The following PCYT1A variants were observed in gnomAD, a reference collection of about 807,000 sequenced individuals.
The protein encoded by PCYT1A is phosphate cytidylyltransferase 1A, choline, also known as choline-phosphate cytidylyltransferase A.
PCYT1A carries 25 observed loss-of-function variants against 43.7 expected under a neutral mutation model. The ratio of observed to expected loss-of-function variants is 0.57; its 90% CI spans 0.42 to 0.80. The LOEUF is 0.80. Ranked by LOEUF, PCYT1A falls within the 30% of genes least tolerant of loss-of-function variation. PCYT1A has a pLI of 0.00. For missense variants in PCYT1A, 421 were observed against 474.2 expected (o/e 0.89, Z 1.04); for synonymous variants, 172 against 170.7 (o/e 1.01, Z -0.06).
At position 196,247,954 on chromosome 3, in the gene PCYT1A, A is replaced by C. The variant is rs1172048215; in HGVS notation, c.334+253T>G. 1.7e-5 allele frequency: 9 copies of C among 536,892 alleles called. No homozygotes were observed. The East Asian group carries it at 2.6e-4, about 16-fold the overall frequency. The allele number at this position is 536,892 out of a possible 1,614,324, so 33.3% of individuals were successfully genotyped here. A position where few individuals can be genotyped will look rare whatever the true frequency, so the allele number is the denominator to read the frequency against. On this transcript the variant is annotated intron_variant, in intron 4 of 8. Coordinates refer to ENST00000431016, the MANE Select transcript of PCYT1A (RefSeq NM_001312673.2). The surrounding 1 kb of genome is among the most constrained non-coding windows in gnomAD (Gnocchi z 4.8). ...TGTTTTAAAGTGGACAACGGAAGTC[A>C]CGGCTGCTCCTGTGACCACAGAAAC...
chr3:196,249,879 C>G (rs1223635823), intron 3 of PCYT1A, among the ~76,000 whole-genome samples: 1 of 151,194 alleles, frequency 6.6e-6, no homozygotes, highest in East Asian at 2.0e-4. Context: ...ATACACTATG[C>G]TGAGGCTGAG....
At chr3:196,259,858 T>A (rs1222601194) in intron 2 of PCYT1A, among the ~76,000 whole-genome samples, 2 of 127,228 alleles carry the variant, frequency 1.6e-5, no homozygotes, top group Non-Finnish European at 3.3e-5. Flanking sequence ...AAAAAAAAAA[T>A]CACTTATATA....
At chr3:196,250,146 A>G (rs1316626316) in intron 3 of PCYT1A, among the ~76,000 whole-genome samples, 1 of 146,214 alleles carries the variant, frequency 6.8e-6, no homozygotes, top group East Asian at 2.0e-4. Context: ...CACCATGCCG[A>G]GGCTGAGGAC....
chr3:196,285,367 G>A (rs889399376), intron 1 of PCYT1A, among the ~76,000 whole-genome samples: 8 of 152,166 alleles, frequency 5.3e-5, no homozygotes, highest in African/African-American at 1.4e-4. Context: ...GCTGAGGTAG[G>A]AGAATCGCTT....
rs532624855 is a variant in PCYT1A, at chr3:196,279,286, CA to C, written c.-11+8328del. The stretch of plus-strand genomic sequence containing the variant: ...CTGGGTGACAAGAGTGAAACTCTAT[CA>C]AAAAAAAAAAAAAAAAGGGCTGACA... On this transcript the variant is annotated intron_variant, in intron 1 of 8. Transcript: ENST00000431016. Among the ~76,000 whole-genome samples, 736 of 108,538 alleles carry C rather than the reference CA, an allele frequency of 6.8e-3. 7 individuals are homozygous for C. The highest frequency in any genetic ancestry group is 0.02 in the African/African-American group (557 of 28,430). 71.2% of individuals were successfully genotyped at this position (108,538 alleles called of 152,430 possible). A position where few individuals can be genotyped will look rare whatever the true frequency, so the allele number is the denominator to read the frequency against.
rs1022066119 is a variant in PCYT1A at position 196,236,409 on chromosome 3, C to T, written c.*2279G>A. On this transcript the variant is annotated 3_prime_UTR_variant, in exon 9 of 9. Transcript: ENST00000431016. ...GACGCAGAAAAGTTCAAAGATGAGA[C>T]TATGTAACACTGGGTAACACAGGAA... is the stretch of plus-strand genomic sequence containing the variant. 6.6e-6 allele frequency: 1 copy of T among 152,248 alleles called. No homozygotes were observed. Among genetic ancestry groups the T allele is most frequent in the African/African-American group, 2.4e-5 (1 of 41,460 alleles). 9.4% of individuals were successfully genotyped at this position (152,248 alleles called of 1,614,324 possible). A position where few individuals can be genotyped will look rare whatever the true frequency, so the allele number is the denominator to read the frequency against.
intron 1 of PCYT1A, among the ~76,000 whole-genome samples, chr3:196,280,567 A>ATTTT (rs1725735210): frequency 9.8e-5 from 4 of 40,846 alleles, no homozygotes; most frequent in Admixed American, 2.7e-4. Flanking sequence ...TGGTATTTTT[A>ATTTT]TTGTTTTTTT....
At position 196,287,636 on chromosome 3, in the gene PCYT1A, G is replaced by A. The variant is rs1305328900; in HGVS notation, c.-32C>T. On this transcript the variant is annotated 5_prime_UTR_variant, in exon 1 of 9. Coordinates refer to ENST00000431016, the MANE Select transcript of PCYT1A (RefSeq NM_001312673.2). ...ACACCTGCAACTCACGCTCCCCCGAGCCCGGTCCGGTCGGATTTCTGGCCG... is the reference window on the plus strand; with the variant it reads ...ACACCTGCAACTCACGCTCCCCCGAACCCGGTCCGGTCGGATTTCTGGCCG... 1.3e-5 allele frequency: 2 copies of A among 152,248 alleles called. No individual in the cohort carries two copies. The highest frequency in any genetic ancestry group is 2.4e-5 in the African/African-American group (1 of 41,430). The allele number at this position is 152,248 out of a possible 1,614,324, so 9.4% of individuals were successfully genotyped here. A position where few individuals can be genotyped will look rare whatever the true frequency, so the allele number is the denominator to read the frequency against.
chr3:196,268,735 C>T lies in PCYT1A; in HGVS notation c.117+1680G>A, dbSNP rs1037409438. Among the ~76,000 whole-genome samples, 4 of 152,186 alleles carry T rather than the reference C, an allele frequency of 2.6e-5. No homozygotes were observed. Among genetic ancestry groups the T allele is most frequent in the African/African-American group, 9.7e-5 (4 of 41,434 alleles). On this transcript the variant is annotated intron_variant, in intron 2 of 8. Transcript: ENST00000431016. The surrounding 1 kb of genome is among the most constrained non-coding windows in gnomAD (Gnocchi z 4.4). Reference sequence around the variant, plus strand: ...ACTTGAACCCAAGAGGCAGACGTTGCAGTGAACCGGGACCGCACCACTGCA... The same window carrying T: ...ACTTGAACCCAAGAGGCAGACGTTGTAGTGAACCGGGACCGCACCACTGCA...
intron 2 of PCYT1A, among the ~76,000 whole-genome samples, chr3:196,264,579 C>T (rs1471943762): frequency 6.6e-6 from 1 of 152,182 alleles, no homozygotes; most frequent in Non-Finnish European, 1.5e-5. Flanking sequence ...ACTGCCCCTA[C>T]CTCTTGGTCA....
chr3:196,285,253 G>A (rs193167061), intron 1 of PCYT1A, among the ~76,000 whole-genome samples: 8 of 152,290 alleles, frequency 5.3e-5, no homozygotes, highest in Non-Finnish European at 1.0e-4. Flanking sequence ...AAGCTCGGAA[G>A]TTTGAGACCA....
chr3:196,244,305 C>T (rs1302391089), intron 5 of PCYT1A, among the ~76,000 whole-genome samples: 2 of 148,496 alleles, frequency 1.3e-5, no homozygotes, highest in Non-Finnish European at 3.0e-5. Flanking sequence ...CCCGGCTGCC[C>T]AGTCTGGGAA....
At chr3:196,262,181 A>C (rs140366219) in intron 2 of PCYT1A, among the ~76,000 whole-genome samples, 367 of 152,322 alleles carry the variant, frequency 2.4e-3, no homozygotes, top group African/African-American at 8.4e-3. Flanking sequence ...TCTTAAGACT[A>C]TCTGGTAGTG....
intron 2 of PCYT1A, 40 bp downstream of exon 2, chr3:196,270,375 C>T (rs757406808): frequency 1.7e-5 from 20 of 1,173,712 alleles, no homozygotes; most frequent in Non-Finnish European, 2.4e-5. Flanking sequence ...AATGTCATAT[C>T]GGTTTCTACC....
chr3:196,266,893 G>A lies in PCYT1A; in HGVS notation c.117+3522C>T, dbSNP rs573880193. On this transcript the variant is annotated intron_variant, in intron 2 of 8. Coordinates refer to ENST00000431016, the MANE Select transcript of PCYT1A (RefSeq NM_001312673.2). ...CTCTGTCTCAAAAAAAAAAATTGCC[G>A]GGCACGGTGGCTCACGCCTATAATC... Among the ~76,000 whole-genome samples, 15 of 151,818 alleles carry A rather than the reference G, an allele frequency of 9.9e-5. No individual in the cohort carries two copies. In the East Asian group the frequency reaches 2.1e-3, roughly 22 times the overall value.
rs1724172253 is a variant in PCYT1A at position 196,236,620 on chromosome 3, G to A, written c.*2068C>T. 5 of 151,642 alleles carry A rather than the reference G, an allele frequency of 3.3e-5. No individual in the cohort carries two copies. In the South Asian group the frequency reaches 1.0e-3, roughly 32 times the overall value. The allele number at this position is 151,642 out of a possible 1,614,324, so 9.4% of individuals were successfully genotyped here. A position where few individuals can be genotyped will look rare whatever the true frequency, so the allele number is the denominator to read the frequency against. ...GCTCTTTCTGGGTGATCCAAGTTTTGTTTTTTTTCTAGTTGATTATTTCTC... is the reference window on the plus strand; with the variant it reads ...GCTCTTTCTGGGTGATCCAAGTTTTATTTTTTTTCTAGTTGATTATTTCTC... On this transcript the variant is annotated 3_prime_UTR_variant, in exon 9 of 9. Transcript: ENST00000431016.
rs1054669080 is a variant in PCYT1A, at chr3:196,282,784, A to G, written c.-11+4831T>C. ...TCAAAAAATAAAGAAACATAATCAC[A>G]TTTAGGGTAATTTTCTGTATATAAA... On this transcript the variant is annotated intron_variant, in intron 1 of 8. Transcript: ENST00000431016. The surrounding 1 kb of genome is among the most constrained non-coding windows in gnomAD (Gnocchi z 4.3). Among the ~76,000 whole-genome samples the G allele has an allele frequency of 6.6e-6, 1 of 152,166 alleles. No individual in the cohort carries two copies. Among genetic ancestry groups the G allele is most frequent in the African/African-American group, 2.4e-5 (1 of 41,454 alleles).
At position 196,252,061 on chromosome 3, in the gene PCYT1A, A is replaced by G. The variant is rs1053467585; in HGVS notation, c.218-3738T>C. Among the ~76,000 whole-genome samples, 1 of 147,164 alleles carries G rather than the reference A, an allele frequency of 6.8e-6. No individual in the cohort carries two copies. The highest frequency in any genetic ancestry group is 2.2e-4 in the South Asian group (1 of 4,496). On this transcript the variant is annotated intron_variant, in intron 3 of 8. Coordinates refer to ENST00000431016, the MANE Select transcript of PCYT1A (RefSeq NM_001312673.2). This position sits in a 1 kb window ranked among gnomAD's most constrained non-coding sequence, Gnocchi z 4.0. ...AGAAGCTGGGACTACAGCGCACACC[A>G]CCACGCCCCGCTGACTACAGCGCAC... is the stretch of plus-strand genomic sequence containing the variant.
In PCYT1A at chr3:196,237,065, G is replaced by A. The variant is rs1724185022; in HGVS notation, c.*1623C>T. On this transcript the variant is annotated 3_prime_UTR_variant, in exon 9 of 9. Coordinates refer to ENST00000431016, the MANE Select transcript of PCYT1A (RefSeq NM_001312673.2). Reference sequence around the variant, plus strand: ...GGAAAACTAGGTGTTACCAGAAAGTGTTTAGGGAGTGGACTATGAGATGCT... The same window carrying A: ...GGAAAACTAGGTGTTACCAGAAAGTATTTAGGGAGTGGACTATGAGATGCT... 6.6e-6 allele frequency: 1 copy of A among 152,194 alleles called. No individual in the cohort carries two copies. Among genetic ancestry groups the A allele is most frequent in the Non-Finnish European group, 1.5e-5 (1 of 68,052 alleles). The allele number at this position is 152,194 out of a possible 1,614,324, so 9.4% of individuals were successfully genotyped here. A position where few individuals can be genotyped will look rare whatever the true frequency, so the allele number is the denominator to read the frequency against.
Sources: allele counts gnomAD v4.1 joint callset (sites outside exome capture counted in the v4.1 genomes callset), GRCh38; gene constraint gnomAD v4.1.1; non-coding constraint Gnocchi (gnomAD v3.1); transcripts MANE v1.5; gene names NCBI Gene and HGNC (gene_info 2026-07-23, HGNC 2026-07-21).